Variants in TRPM3 observed in about 807,000 individuals in gnomAD.
TRPM3 encodes long transient receptor potential channel 3.
In TRPM3, 77 loss-of-function variants were observed where a neutral mutation model predicts 181.2. The observed-to-expected ratio is 0.42, with a 90% confidence interval of 0.35 to 0.51. The LOEUF (loss-of-function observed/expected upper bound fraction) is 0.51, where lower values mean the gene tolerates loss of function less well. Ranked by LOEUF, TRPM3 falls within the 20% of genes least tolerant of loss-of-function variation. The pLI is 0.01. For missense variants in TRPM3, 1,759 were observed against 2,196.7 expected, an observed-to-expected ratio of 0.80 and a Z score of 3.98; for synonymous variants, 745 against 796.4, an observed-to-expected ratio of 0.94 and a Z score of 1.09.
chr9:71,305,442 C>A (rs945075807), intron 1 of TRPM3, among the ~76,000 whole-genome samples: 2 of 152,060 alleles, frequency 1.3e-5, no homozygotes, highest in Admixed American at 6.6e-5. Flanking sequence ...TTGTGTCAAG[C>A]TTGCTGATGG....
chr9:71,292,242 C>CTAAAA (rs1340890326), intron 1 of TRPM3, among the ~76,000 whole-genome samples: 1 of 151,700 alleles, frequency 6.6e-6, no homozygotes, highest in African/African-American at 2.4e-5. Flanking sequence ...ATACACAGGG[C>CTAAAA]TAAAGTAGGC....
chr9:70,537,179 T>C lies in TRPM3; in HGVS notation c.3934A>G (p.Ser1312Gly). 1 of 1,590,160 alleles carries C rather than the reference T, an allele frequency of 6.3e-7. No individual in the cohort carries two copies. Among genetic ancestry groups the C allele is most frequent in the South Asian group, 1.1e-5 (1 of 89,444 alleles). ...GTGTTCCCTTCCTGGCTGTTGAAGCTGCTCTGACGGACAATGTAGGCGGCG... is the reference window on the plus strand; with the variant it reads ...GTGTTCCCTTCCTGGCTGTTGAAGCCGCTCTGACGGACAATGTAGGCGGCG... Reference protein sequence around the residue: ...TDAAYIVRQSSFNSQEGNTFK... With the variant: ...TDAAYIVRQSGFNSQEGNTFK... Residue 1312 changes from serine (S) to glycine (G), a missense_variant, in exon 26 of 26, where the codon AGC becomes GGC. This residue lies in a region of TRPM3 where 612 missense variants were observed against 590.0 expected (regional missense o/e 1.04). Coordinates refer to ENST00000677713, the MANE Select transcript of TRPM3 (RefSeq NM_001366145.2).
At chr9:70,804,413 CT>C (rs1364362387) in intron 6 of TRPM3, among the ~76,000 whole-genome samples, 23 of 152,194 alleles carry the variant, frequency 1.5e-4, no homozygotes, top group Admixed American at 5.9e-4. Context: ...TAAACCACTG[CT>C]TTTGAACACA....
chr9:71,016,570 T>C lies in TRPM3; in HGVS notation c.177+104608A>G, dbSNP rs534266703. Among the ~76,000 whole-genome samples, 40 of 152,316 alleles carry C rather than the reference T, an allele frequency of 2.6e-4. No individual in the cohort carries two copies. The East Asian group carries it at 3.1e-3, about 12-fold the overall frequency. ...ACATAACATCTTCGAGATCCATCCA[T>C]GTTATAACATATGTCAGAATTTCCT... On this transcript the variant is annotated intron_variant, in intron 1 of 25. Transcript: ENST00000677713.
chr9:70,751,993 C>G (rs2076209845), intron 8 of TRPM3, among the ~76,000 whole-genome samples: 1 of 116,008 alleles, frequency 8.6e-6, no homozygotes, highest in African/African-American at 2.9e-5. Context: ...CAATCCACAT[C>G]TCAACAGTGT....
intron 1 of TRPM3, among the ~76,000 whole-genome samples, chr9:71,270,100 A>T (rs1255316888): frequency 6.6e-6 from 1 of 152,146 alleles, no homozygotes; most frequent in Admixed American, 6.5e-5. Flanking sequence ...CCTCTGCTTA[A>T]AACTTTCAGG....
At chr9:70,664,716 T>C (rs2061607646) in intron 9 of TRPM3, among the ~76,000 whole-genome samples, 1 of 147,532 alleles carries the variant, frequency 6.8e-6, no homozygotes, top group Admixed American at 7.0e-5. Flanking sequence ...AGTGGCATGA[T>C]CTTGGCTCAC....
At chr9:71,018,475 G>A (rs2097805221) in intron 1 of TRPM3, among the ~76,000 whole-genome samples, 1 of 151,580 alleles carries the variant, frequency 6.6e-6, no homozygotes, top group Non-Finnish European at 1.5e-5. Context: ...TCTTGTAAAT[G>A]TAAAAATGGT....
In TRPM3 at chr9:71,242,657, C is replaced by T. The variant is rs116213835; in HGVS notation, c.183+203996G>A. ...TTAGTACTACTCCCATTACTACCAC[C>T]ATTACTATCATCATTGCCACAACTT... On this transcript the variant is annotated intron_variant, in intron 1 of 24. Transcript: ENST00000357533. Among the ~76,000 whole-genome samples the T allele has an allele frequency of 7.6e-3, 1,150 of 152,204 alleles. 20 individuals carry two copies. Among genetic ancestry groups the T allele is most frequent in the African/African-American group, 0.026 (1,075 of 41,526 alleles).
intron 8 of TRPM3, among the ~76,000 whole-genome samples, chr9:70,749,759 C>A (rs1270119096): frequency 6.6e-6 from 1 of 152,136 alleles, no homozygotes. Flanking sequence ...TAAAGTTATT[C>A]GTGCTTTATT....
intron 1 of TRPM3, among the ~76,000 whole-genome samples, chr9:71,225,253 G>A (rs779907532): frequency 3.9e-5 from 6 of 151,926 alleles, no homozygotes; most frequent in Admixed American, 1.3e-4. Flanking sequence ...ACATACAATA[G>A]AGCTCCAATA....
At chr9:71,337,545 G>A (rs1220620262) in intron 1 of TRPM3, among the ~76,000 whole-genome samples, 1 of 152,102 alleles carries the variant, frequency 6.6e-6, no homozygotes, top group African/African-American at 2.4e-5. Flanking sequence ...TCTAGAACCA[G>A]AAATACCATT....
At chr9:70,576,676 G>A (rs937085314) in intron 22 of TRPM3, among the ~76,000 whole-genome samples, 4 of 151,840 alleles carry the variant, frequency 2.6e-5, no homozygotes, top group Non-Finnish European at 5.9e-5. Flanking sequence ...CACCGTGCCC[G>A]GCTAATTTTT....
chr9:70,559,807 C>T (rs1333799835), intron 22 of TRPM3, among the ~76,000 whole-genome samples: 2 of 152,160 alleles, frequency 1.3e-5, no homozygotes, highest in African/African-American at 2.4e-5. Flanking sequence ...TATACCACCT[C>T]ACAGTTGCCC....
intron 7 of TRPM3, among the ~76,000 whole-genome samples, chr9:70,772,187 G>A (rs940062455): frequency 6.7e-6 from 1 of 150,244 alleles, no homozygotes; most frequent in Middle Eastern, 3.2e-3. Flanking sequence ...TTACTCACAT[G>A]TGGCTATTTA....
At chr9:71,163,209 T>C (rs1231925940) in intron 1 of TRPM3, among the ~76,000 whole-genome samples, 1 of 151,956 alleles carries the variant, frequency 6.6e-6, no homozygotes, top group Non-Finnish European at 1.5e-5. Flanking sequence ...AAGAATAGAT[T>C]GGGAAGTGGT....
chr9:70,853,262 T>C, intron 3 of TRPM3, among the ~76,000 whole-genome samples: 1 of 152,222 alleles, frequency 6.6e-6, no homozygotes, highest in East Asian at 1.9e-4. Flanking sequence ...TTTAATTCAT[T>C]ATTGAAGCTA....
At chr9:71,415,599 AC>A (rs2093624894) in intron 1 of TRPM3, among the ~76,000 whole-genome samples, 1 of 152,020 alleles carries the variant, frequency 6.6e-6, no homozygotes, top group Non-Finnish European at 1.5e-5. Context: ...TTACAAGCAG[AC>A]TTTGATAAAT....
upstream of TRPM3, chr9:71,121,691 C>G: frequency 2.8e-6 from 3 of 1,053,464 alleles, no homozygotes; most frequent in Non-Finnish European, 3.5e-6. Flanking sequence ...GGGGCCATTG[C>G]TTTGCTAGCT....
Sources: gnomAD v4.1 joint callset for allele counts (sites outside exome capture counted in the v4.1 genomes callset) on GRCh38, gnomAD v4.1.1 for gene constraint, gnomAD v4.1.1 regional missense constraint, MANE v1.5 for transcripts, NCBI Gene and HGNC (gene_info 2026-07-23, HGNC 2026-07-21) for gene names.